The following STXBP5L variants were observed in gnomAD, a reference collection of about 807,000 sequenced individuals.
The protein encoded by STXBP5L is syntaxin-binding protein 5-like.
A neutral mutation model predicts 144.5 loss-of-function variants in STXBP5L; 65 were observed. The observed-to-expected ratio is 0.45, with a 90% CI of 0.37 to 0.55. STXBP5L has a LOEUF of 0.55. Ranked by LOEUF, STXBP5L falls within the 20% of genes least tolerant of loss-of-function variation. The pLI, the probability that STXBP5L is intolerant of heterozygous loss-of-function variation, is 0.00. For missense variants in STXBP5L, 1,298 were observed against 1,405.5 expected, an observed-to-expected ratio of 0.92 and a Z score of 1.22; for synonymous variants, 505 against 469.6, an observed-to-expected ratio of 1.08 and a Z score of -0.97.
At chr3:121,026,852 A>AT (rs1553776863) in intron 3 of STXBP5L, among the ~76,000 whole-genome samples, 7 of 151,218 alleles carry the variant, frequency 4.6e-5, no homozygotes, top group African/African-American at 7.3e-5. Context: ...ATTATTAAAA[A>AT]ATATATATAT....
chr3:120,912,985 C>G (rs1182766695), intron 2 of STXBP5L, among the ~76,000 whole-genome samples: 1 of 151,894 alleles, frequency 6.6e-6, no homozygotes, highest in Non-Finnish European at 1.5e-5. Context: ...GGATAATTCC[C>G]AGCCATCTTT....
intron 3 of STXBP5L, among the ~76,000 whole-genome samples, chr3:121,010,608 G>A (rs1944700968): frequency 6.6e-6 from 1 of 151,680 alleles, no homozygotes; most frequent in Admixed American, 6.6e-5. Context: ...AAAAGCCTGT[G>A]TACAACTTTT....
intron 2 of STXBP5L, among the ~76,000 whole-genome samples, chr3:120,935,788 T>A (rs1378845885): frequency 6.6e-6 from 1 of 152,072 alleles, no homozygotes; most frequent in African/African-American, 2.4e-5. Context: ...GCGTTTTTTT[T>A]TAAAGATTTT....
At chr3:121,032,467 C>A (rs1217586336) in intron 3 of STXBP5L, among the ~76,000 whole-genome samples, 1 of 151,798 alleles carries the variant, frequency 6.6e-6, no homozygotes, top group Non-Finnish European at 1.5e-5. Flanking sequence ...TCATAAAAAC[C>A]CTAGAAGAAA....
At chr3:120,946,879 G>A (rs1290483919) in intron 2 of STXBP5L, among the ~76,000 whole-genome samples, 3 of 151,732 alleles carry the variant, frequency 2.0e-5, no homozygotes, top group Non-Finnish European at 2.9e-5. Context: ...GTTTCCGGTA[G>A]TGCCTCTTGC....
intron 3 of STXBP5L, among the ~76,000 whole-genome samples, chr3:121,015,638 T>C (rs566657768): frequency 2.6e-5 from 4 of 152,180 alleles, no homozygotes; most frequent in Non-Finnish European, 5.9e-5. Flanking sequence ...GGTAGAGATC[T>C]GAGAAAGATT....
At chr3:120,960,768 G>A (rs1938686143) in intron 3 of STXBP5L, among the ~76,000 whole-genome samples, 1 of 151,986 alleles carries the variant, frequency 6.6e-6, no homozygotes, top group Non-Finnish European at 1.5e-5. Flanking sequence ...TGTGGGGTGG[G>A]GGCAGGGGGG....
chr3:121,004,979 C>A lies in STXBP5L; in HGVS notation c.288-36721C>A, dbSNP rs141754883. 1.6e-3 allele frequency among the ~76,000 whole-genome samples: 251 copies of A among 152,224 alleles called. 1 individual carries two copies. The highest frequency in any genetic ancestry group is 2.8e-3 in the Non-Finnish European group (188 of 68,020). On this transcript the variant is annotated intron_variant, in intron 3 of 26. Transcript: ENST00000471454. ...AGTATTTTGTTGAGGATTTTTGCAT[C>A]GATGTTCATCAGGGATGTTGGTCTA...
intron 3 of STXBP5L, among the ~76,000 whole-genome samples, chr3:120,996,529 A>G (rs1384730426): frequency 6.6e-6 from 1 of 152,130 alleles, no homozygotes; most frequent in Non-Finnish European, 1.5e-5. Context: ...TAGTAGCTAT[A>G]GTCATCATGC....
rs566486948 is a variant in STXBP5L at position 121,283,163 on chromosome 3, C to A, written c.2110+3207C>A. On this transcript the variant is annotated intron_variant, in intron 19 of 26. Coordinates refer to ENST00000471454, the MANE Select transcript of STXBP5L (RefSeq NM_001308330.2). The stretch of plus-strand genomic sequence containing the variant: ...TGGCCTTATAGTTGTATAACATATA[C>A]ATTATACATTATATACACACACTCA... Among the ~76,000 whole-genome samples the A allele has an allele frequency of 2.6e-5, 4 of 151,994 alleles. No homozygotes were observed. In the South Asian group the frequency reaches 8.3e-4, roughly 32 times the overall value.
intron 2 of STXBP5L, among the ~76,000 whole-genome samples, chr3:120,928,225 C>G (rs1461943407): frequency 1.3e-5 from 2 of 150,026 alleles, no homozygotes; most frequent in Non-Finnish European, 3.0e-5. Context: ...AGTGAATTTC[C>G]CATCCTTATC....
intron 19 of STXBP5L, among the ~76,000 whole-genome samples, chr3:121,311,460 T>C (rs1030670751): frequency 6.6e-6 from 1 of 152,264 alleles, no homozygotes; most frequent in East Asian, 1.9e-4. Context: ...TATATCTTTA[T>C]AATGATTTGA....
rs182647904 is a variant in STXBP5L, at chr3:121,331,100, G to T, written c.2176+12560G>T. Among the ~76,000 whole-genome samples the T allele has an allele frequency of 4.6e-5, 7 of 152,318 alleles. No individual in the cohort carries two copies. In the East Asian group the frequency reaches 1.4e-3, roughly 29 times the overall value. On this transcript the variant is annotated intron_variant, in intron 20 of 26. Transcript: ENST00000471454. Reference sequence around the variant, plus strand: ...CCTTCAGGGACTCCTGCGGCTAGGGGAAGAGGGAGTGCACAACATTAAGGA... The same window carrying T: ...CCTTCAGGGACTCCTGCGGCTAGGGTAAGAGGGAGTGCACAACATTAAGGA...
At chr3:121,393,762 G>T (rs1015985072) in intron 22 of STXBP5L, among the ~76,000 whole-genome samples, 1 of 151,936 alleles carries the variant, frequency 6.6e-6, no homozygotes, top group Non-Finnish European at 1.5e-5. Context: ...TTTTATTTCT[G>T]GGTCTTCTAT....
chr3:121,170,506 G>T (rs1031566895), intron 9 of STXBP5L, among the ~76,000 whole-genome samples: 2 of 152,140 alleles, frequency 1.3e-5, no homozygotes, highest in Non-Finnish European at 2.9e-5. Flanking sequence ...ATGATAAATT[G>T]TATATCACCA....
intron 20 of STXBP5L, 44 bp from the exon 21 acceptor site, chr3:121,378,672 G>C: frequency 6.3e-7 from 1 of 1,591,652 alleles, no homozygotes; most frequent in Non-Finnish European, 8.6e-7. Context: ...TTTGTATTAA[G>C]AGTTAATCAT....
intron 5 of STXBP5L, among the ~76,000 whole-genome samples, chr3:121,051,220 C>T (rs1576783447): frequency 6.6e-6 from 1 of 152,188 alleles, no homozygotes; most frequent in East Asian, 1.9e-4. Context: ...GTACTCAGCT[C>T]TGCACCAAGC....
chr3:121,031,701 T>C (rs1946380666), intron 3 of STXBP5L, among the ~76,000 whole-genome samples: 1 of 152,120 alleles, frequency 6.6e-6, no homozygotes, highest in South Asian at 2.1e-4. Context: ...TTTAGACTGG[T>C]ATTTGGTCAA....
intron 20 of STXBP5L, among the ~76,000 whole-genome samples, chr3:121,344,096 A>T (rs1208701316): frequency 6.6e-6 from 1 of 151,816 alleles, no homozygotes; most frequent in Non-Finnish European, 1.5e-5. Context: ...ATAACGCCAC[A>T]TATCTACAAC....
Sources: allele counts gnomAD v4.1 joint callset (sites outside exome capture counted in the v4.1 genomes callset), GRCh38; gene constraint gnomAD v4.1.1; transcripts MANE v1.5; gene names NCBI Gene and HGNC (gene_info 2026-07-23, HGNC 2026-07-21).